AXDND1: variants seen among roughly 807,000 people sequenced by gnomAD.
AXDND1 encodes axonemal dynein light chain domain containing 1.
In AXDND1, 110 loss-of-function variants were observed where a neutral mutation model predicts 137.5. That is an observed-to-expected ratio of 0.80 (90% CI 0.69 to 0.94). The LOEUF (loss-of-function observed/expected upper bound fraction) is 0.94. Ranked by LOEUF, AXDND1 falls within the 40% of genes least tolerant of loss-of-function variation. The probability of loss-of-function intolerance (pLI) is 0.00; values close to 1 mark genes in which losing one functional copy is unlikely to be tolerated. For missense variants in AXDND1, 1,191 were observed against 1,169.8 expected (o/e 1.02, Z -0.26); for synonymous variants, 414 against 399.7 (o/e 1.04, Z -0.43).
intron 20 of AXDND1, among the ~76,000 whole-genome samples, chr1:179,493,554 T>A (rs1667146797): frequency 6.6e-6 from 1 of 152,208 alleles, no homozygotes; most frequent in Admixed American, 6.5e-5. Flanking sequence ...AATGTGTGTG[T>A]TTAACTTTTA....
intron 11 of AXDND1, among the ~76,000 whole-genome samples, chr1:179,402,774 A>C (rs1652304839): frequency 6.6e-6 from 1 of 152,168 alleles, no homozygotes; most frequent in Non-Finnish European, 1.5e-5. Context: ...TCTCTACAGA[A>C]AGTTGTCATA....
intron 21 of AXDND1, among the ~76,000 whole-genome samples, chr1:179,523,362 C>T (rs1465067491): frequency 1.3e-5 from 2 of 151,682 alleles, no homozygotes; most frequent in African/African-American, 4.8e-5. Flanking sequence ...GTGGAGTGGC[C>T]AAATTATTTT....
Position 179,445,213 on chromosome 1 carries a change from A to C in AXDND1, c.1798+9A>C, listed in dbSNP as rs777178878. The C allele has an allele frequency of 6.9e-7, 1 of 1,443,660 alleles. No individual in the cohort carries two copies. The highest frequency in any genetic ancestry group is 9.4e-7 in the Non-Finnish European group (1 of 1,060,102). The allele number at this position is 1,443,660 out of a possible 1,614,324, so 89.4% of individuals were successfully genotyped here. A position where few individuals can be genotyped will look rare whatever the true frequency, so the allele number is the denominator to read the frequency against. On this transcript the variant is annotated intron_variant, in intron 16 of 25. Coordinates refer to ENST00000367618, the MANE Select transcript of AXDND1 (RefSeq NM_144696.6). Reference sequence around the variant, plus strand: ...AATAAATGGGGACAATGGTAAGAAAATACTCATAATAATTAGATTTCTTGG... The same window carrying C: ...AATAAATGGGGACAATGGTAAGAAACTACTCATAATAATTAGATTTCTTGG...
chr1:179,524,469 A>T (rs1387017286), intron 21 of AXDND1, among the ~76,000 whole-genome samples: 1 of 151,766 alleles, frequency 6.6e-6, no homozygotes, highest in Non-Finnish European at 1.5e-5. Flanking sequence ...GGGTATTTTC[A>T]CTTGGGTATC....
Position 179,522,749 on chromosome 1 carries a change from A to G in AXDND1, c.2497-2585A>G, listed in dbSNP as rs1572162755. On this transcript the variant is annotated intron_variant, in intron 21 of 25. Transcript: ENST00000367618. The stretch of plus-strand genomic sequence containing the variant: ...TTAACTCTGAGAGTTAAGATTCTTA[A>G]TTCCTCTGTAGTGTTCAAATATTTT... 2.0e-5 allele frequency among the ~76,000 whole-genome samples: 3 copies of G among 151,664 alleles called. No homozygotes were observed. The East Asian group carries it at 5.8e-4, about 29-fold the overall frequency.
At chr1:179,481,603 A>G (rs1400020411) in intron 17 of AXDND1, among the ~76,000 whole-genome samples, 3 of 152,194 alleles carry the variant, frequency 2.0e-5, no homozygotes, top group African/African-American at 7.2e-5. Context: ...TCCCACCAAC[A>G]GTGTAAAAGT....
intron 25 of AXDND1, among the ~76,000 whole-genome samples, chr1:179,540,488 C>T (rs111570127): frequency 6.6e-6 from 1 of 152,148 alleles, no homozygotes; most frequent in Non-Finnish European, 1.5e-5. Context: ...GGGGTCCACT[C>T]CAGACCCTGT....
intron 16 of AXDND1, among the ~76,000 whole-genome samples, chr1:179,447,130 C>T (rs1659848180): frequency 6.6e-6 from 1 of 152,074 alleles, no homozygotes; most frequent in Non-Finnish European, 1.5e-5. Flanking sequence ...TATAGTCACC[C>T]TTCTCTCCTA....
intron 20 of AXDND1, among the ~76,000 whole-genome samples, chr1:179,506,661 C>A (rs560125430): frequency 6.6e-6 from 1 of 152,010 alleles, no homozygotes; most frequent in Non-Finnish European, 1.5e-5. Flanking sequence ...GCCTAGGAGG[C>A]GGAGGTTGCA....
At chr1:179,494,541 C>CTTTTTTTTTT (rs34915274) in intron 20 of AXDND1, among the ~76,000 whole-genome samples, 1 of 141,568 alleles carries the variant, frequency 7.1e-6, no homozygotes, top group African/African-American at 2.6e-5. Context: ...TGTGATTTGT[C>CTTTTTTTTTT]TTTTTTTTTT....
chr1:179,455,258 G>C (rs1298131490), intron 16 of AXDND1: 3 of 133,528 alleles, frequency 2.2e-5, no homozygotes, highest in Non-Finnish European at 4.7e-5. Context: ...CTAGGGGAGA[G>C]AGTGAGACTC....
chr1:179,383,948 C>CTTT (rs2125097496), intron 8 of AXDND1, among the ~76,000 whole-genome samples: 1 of 152,258 alleles, frequency 6.6e-6, no homozygotes, highest in Non-Finnish European at 1.5e-5. Context: ...TGTTCTCAAA[C>CTTT]TCCTGACCTC....
At chr1:179,382,113 G>T (rs534991421) in intron 6 of AXDND1, among the ~76,000 whole-genome samples, 1 of 147,898 alleles carries the variant, frequency 6.8e-6, no homozygotes, top group Non-Finnish European at 1.5e-5. Flanking sequence ...ACAGAGTCTC[G>T]CTCTGTCATG....
chr1:179,393,915 G>T lies in AXDND1; in HGVS notation c.876G>T (p.Val292=), dbSNP rs766501644. ...ELLSKVRERY[V]QMLDQIARQM... ...GTTTGTCATGCAGAGAGAGGTATGT[G>T]CAAATGCTTGACCAGATTGCTCGGC... The change falls in exon 10 of 26, where the codon GTG becomes GTT. Residue 292 remains valine, a synonymous_variant. Transcript: ENST00000367618. 3 of 1,606,812 alleles carry T rather than the reference G, an allele frequency of 1.9e-6. No homozygotes were observed. Among genetic ancestry groups the T allele is most frequent in the Non-Finnish European group, 2.5e-6 (3 of 1,177,616 alleles).
At chr1:179,456,981 G>A in intron 16 of AXDND1, 1 of 1,563,536 alleles carries the variant, frequency 6.4e-7, no homozygotes, top group East Asian at 2.2e-5. Flanking sequence ...CTTAGGTGAT[G>A]TTCTTCAGTG....
chr1:179,527,002 A>T (rs1208550785), intron 22 of AXDND1, among the ~76,000 whole-genome samples: 1 of 152,238 alleles, frequency 6.6e-6, no homozygotes, highest in African/African-American at 2.4e-5. Flanking sequence ...CCAGGAGAGG[A>T]TTCTTGGATC....
At chr1:179,375,797 T>C (rs1298915330) in intron 4 of AXDND1, among the ~76,000 whole-genome samples, 3 of 152,162 alleles carry the variant, frequency 2.0e-5, no homozygotes, top group Non-Finnish European at 4.4e-5. Context: ...AGAGAAAGAA[T>C]CCGGAGGATT....
intron 23 of AXDND1, 35 bp from the exon 24 acceptor site, chr1:179,533,760 G>A (rs918019587): frequency 1.2e-5 from 18 of 1,476,308 alleles, no homozygotes; most frequent in East Asian, 2.3e-5. Context: ...TGTTGAGACT[G>A]TCAGTTCATT....
chr1:179,506,326 CT>C (rs756391954), intron 20 of AXDND1, among the ~76,000 whole-genome samples: 7 of 152,182 alleles, frequency 4.6e-5, no homozygotes, highest in Non-Finnish European at 8.8e-5. Context: ...TGACCAGCAC[CT>C]GACAGTGCTG....
Sources: allele counts gnomAD v4.1 joint callset (sites outside exome capture counted in the v4.1 genomes callset), GRCh38; gene constraint gnomAD v4.1.1; transcripts MANE v1.5; gene names NCBI Gene and HGNC (gene_info 2026-07-23, HGNC 2026-07-21).